The following VEZT variants were observed in gnomAD, a reference collection of about 807,000 sequenced individuals.
The protein encoded by VEZT is vezatin.
A neutral mutation model predicts 79.9 loss-of-function variants in VEZT; 39 were observed. That is an observed-to-expected ratio of 0.49 (90% CI 0.38 to 0.64). The LOEUF (loss-of-function observed/expected upper bound fraction) is 0.64. Among genes scored for constraint, VEZT ranks in the 30% least tolerant of loss-of-function variants. The pLI, the probability that VEZT is intolerant of heterozygous loss-of-function variation, is 0.00. For missense variants in VEZT, 837 were observed against 893.1 expected (o/e 0.94, Z 0.80); for synonymous variants, 325 against 327.6 (o/e 0.99, Z 0.09).
chr12:95,248,407 C>T (rs1194502161), intron 1 of VEZT, among the ~76,000 whole-genome samples: 1 of 152,118 alleles, frequency 6.6e-6, no homozygotes, highest in Non-Finnish European at 1.5e-5. Context: ...TATATATGCC[C>T]TCAGCTTATA....
At chr12:95,289,759 T>C (rs1209133729) in intron 9 of VEZT, among the ~76,000 whole-genome samples, 2 of 152,236 alleles carry the variant, frequency 1.3e-5, no homozygotes, top group African/African-American at 4.8e-5. Flanking sequence ...GTTAGCCATA[T>C]CTTTTTTTAA....
At chr12:95,257,516 C>T (rs2063653391) in intron 3 of VEZT, among the ~76,000 whole-genome samples, 1 of 152,148 alleles carries the variant, frequency 6.6e-6, no homozygotes, top group Non-Finnish European at 1.5e-5. Flanking sequence ...TGACAGGTAT[C>T]CCTCTCTATA....
In VEZT at chr12:95,262,933, C is replaced by A. The variant is rs751897722; in HGVS notation, c.286C>A (p.His96Asn). ...LDIGFRLDSL[H>N]TILQQEVLLQ... is the part of the protein sequence containing the mutation. ...TATTGGATTCCGACTCGACTCATTA[C>A]ATACCATCCTGCAACAGGAAGTCCT... The change falls in exon 4 of 12, where the codon CAT (histidine) becomes AAT (asparagine). Residue 96 changes from histidine to asparagine, a missense_variant. Coordinates refer to ENST00000436874, the MANE Select transcript of VEZT (RefSeq NM_017599.4). 1.9e-6 allele frequency: 3 copies of A among 1,608,068 alleles called. No homozygotes were observed. Among genetic ancestry groups the A allele is most frequent in the Middle Eastern group, 1.7e-4 (1 of 5,982 alleles).
chr12:95,266,418 G>A lies in VEZT; in HGVS notation c.496G>A (p.Val166Met), dbSNP rs754142630. 1.2e-5 allele frequency: 20 copies of A among 1,613,726 alleles called. No individual in the cohort carries two copies. The African/African-American group carries it at 1.5e-4, about 12-fold the overall frequency. Residue 166 changes from valine to methionine, a missense_variant, in exon 5 of 12, where the codon GTG becomes ATG. Coordinates refer to ENST00000436874, the MANE Select transcript of VEZT (RefSeq NM_017599.4). ...CGTTATGCTTCCCACTTGGTGGATT[G>A]TGTCTTCCTGGCTGGTATGGGGAGT... ...LLVMLPTWWI[V>M]SSWLVWGVIL...
intron 11 of VEZT, 170 bp from the exon 12 acceptor site, chr12:95,299,995 T>C (rs2074974001): frequency 2.3e-6 from 1 of 439,676 alleles, no homozygotes; most frequent in Non-Finnish European, 3.9e-6. Context: ...TTCTCTCTTA[T>C]AAAGTTTCCT....
rs1491357189 is a variant in VEZT, at chr12:95,239,947, A to AG, written c.37-11993_37-11992insG. Among the ~76,000 whole-genome samples the AG allele has an allele frequency of 2.2e-4, 15 of 68,576 alleles. No individual in the cohort carries two copies. The East Asian group carries it at 4.3e-3, about 20-fold the overall frequency. The allele number at this position is 68,576 out of a possible 152,430, so 45.0% of individuals were successfully genotyped here. A position where few individuals can be genotyped will look rare whatever the true frequency, so the allele number is the denominator to read the frequency against. ...AGCCTGAGCAACAGAGGGAGACTCG[A>AG]AAGAGAGAGAGAGAGAGAGAGAGAG... On this transcript the variant is annotated intron_variant, in intron 1 of 11. Coordinates refer to ENST00000436874, the MANE Select transcript of VEZT (RefSeq NM_017599.4).
chr12:95,266,707 T>G, intron 5 of VEZT, 75 bp downstream of exon 5: 1 of 1,395,618 alleles, frequency 7.2e-7, no homozygotes, highest in Non-Finnish European at 9.5e-7. Flanking sequence ...TTACCTATTT[T>G]CATTTCTATG....
In VEZT at chr12:95,285,304, C is replaced by A. The variant is rs553962019; in HGVS notation, c.1329-2360C>A. On this transcript the variant is annotated intron_variant, in intron 8 of 11. Coordinates refer to ENST00000436874, the MANE Select transcript of VEZT (RefSeq NM_017599.4). ...CAAAAAAATACAAAAATTAGCCAGT[C>A]ATGGTGGTACACGCCTGTAGTCCCA... 4.6e-5 allele frequency among the ~76,000 whole-genome samples: 7 copies of A among 151,688 alleles called. No individual in the cohort carries two copies. The East Asian group carries it at 1.4e-3, about 30-fold the overall frequency.
At chr12:95,234,854 T>C (rs1326295803) in intron 1 of VEZT, among the ~76,000 whole-genome samples, 1 of 152,096 alleles carries the variant, frequency 6.6e-6, no homozygotes, top group African/African-American at 2.4e-5. Flanking sequence ...GGAGTGGTAA[T>C]GACTCTTAAG....
chr12:95,235,738 A>T (rs548970321), intron 1 of VEZT, among the ~76,000 whole-genome samples: 156 of 149,104 alleles, frequency 1.0e-3, no homozygotes, highest in Non-Finnish European at 2.0e-3. Context: ...TCCCTCCCGG[A>T]CGGGGTGGTT....
intron 5 of VEZT, among the ~76,000 whole-genome samples, chr12:95,269,604 TAA>T (rs1164354317): frequency 1.3e-5 from 2 of 152,200 alleles, no homozygotes; most frequent in African/African-American, 2.4e-5. Context: ...ATTAAGAATT[TAA>T]AAGTGTTTAT....
intron 5 of VEZT, among the ~76,000 whole-genome samples, chr12:95,267,655 T>G (rs542182363): frequency 6.6e-6 from 1 of 152,306 alleles, no homozygotes; most frequent in Admixed American, 6.5e-5. Flanking sequence ...ATCTTGTTCT[T>G]TACTCTCTTG....
chr12:95,258,008 T>G (rs1181117073), intron 3 of VEZT, among the ~76,000 whole-genome samples: 1 of 152,236 alleles, frequency 6.6e-6, no homozygotes, highest in East Asian at 1.9e-4. Context: ...AATGTTCAGC[T>G]AGAAAGTGAT....
chr12:95,269,463 G>A (rs999435287), intron 5 of VEZT, among the ~76,000 whole-genome samples: 1 of 152,100 alleles, frequency 6.6e-6, no homozygotes, highest in East Asian at 1.9e-4. Flanking sequence ...AAGTGCCAGT[G>A]GCAGCAGGTG....
chr12:95,247,308 A>G (rs1331264119), intron 1 of VEZT, among the ~76,000 whole-genome samples: 1 of 152,224 alleles, frequency 6.6e-6, no homozygotes, highest in South Asian at 2.1e-4. Flanking sequence ...CTTTCCAACT[A>G]TATTATTTGT....
chr12:95,274,993 G>C, intron 7 of VEZT, 104 bp downstream of exon 7: 1 of 1,353,718 alleles, frequency 7.4e-7, no homozygotes, highest in Non-Finnish European at 9.9e-7. Context: ...CTCATTGTTT[G>C]CTGCATACCA....
At chr12:95,243,951 C>G in intron 1 of VEZT, 1 of 456,048 alleles carries the variant, frequency 2.2e-6, no homozygotes, top group Non-Finnish European at 4.4e-6. Context: ...GCAGCAGAGC[C>G]CTTGCTAGAA....
intron 1 of VEZT, among the ~76,000 whole-genome samples, chr12:95,225,761 CAAAAAAAAAAAAAAAAA>C (rs531470163): frequency 3.2e-4 from 13 of 40,874 alleles, no homozygotes; most frequent in South Asian, 1.9e-3. Context: ...TGTTTCATAG[CAAAAAAAAAAAAAAAAA>C]AAAAAAAAAA....
At chr12:95,236,119 C>T (rs1324680133) in intron 1 of VEZT, among the ~76,000 whole-genome samples, 5 of 152,186 alleles carry the variant, frequency 3.3e-5, no homozygotes, top group Admixed American at 3.3e-4. Flanking sequence ...CCACTGCACT[C>T]CAGCCTGGGC....
Sources: gnomAD v4.1 joint callset for allele counts (sites outside exome capture counted in the v4.1 genomes callset) on GRCh38, gnomAD v4.1.1 for gene constraint, MANE v1.5 for transcripts, NCBI Gene and HGNC (gene_info 2026-07-23, HGNC 2026-07-21) for gene names.